Variants in EYS observed in about 807,000 individuals in gnomAD.
EYS encodes the protein protein eyes shut homolog.
EYS carries 250 observed loss-of-function variants against 282.1 expected under a neutral mutation model. The ratio of observed to expected loss-of-function variants is 0.89; its 90% CI spans 0.80 to 0.98. The LOEUF (loss-of-function observed/expected upper bound fraction) is 0.98. Ranked by LOEUF, EYS falls within the 50% of genes least tolerant of loss-of-function variation. The probability of loss-of-function intolerance (pLI) is 0.00; values close to 1 mark genes in which losing one functional copy is unlikely to be tolerated. For synonymous variants in EYS, 1,355 were observed against 1,282.9 expected (o/e 1.06, Z -1.20); for missense variants, 4,016 against 3,709.0 (o/e 1.08, Z -2.15).
At chr6:64,391,936 C>A (rs1260914202) in intron 28 of EYS, among the ~76,000 whole-genome samples, 3 of 151,742 alleles carry the variant, frequency 2.0e-5, no homozygotes, top group Non-Finnish European at 2.9e-5. Flanking sequence ...GGAAGATCTA[C>A]CAAGCAAATG....
At position 65,527,557 on chromosome 6, in the gene EYS, C is replaced by A. The variant is rs572265344; in HGVS notation, c.-332-31564G>T. 4.8e-4 allele frequency among the ~76,000 whole-genome samples: 73 copies of A among 152,240 alleles called. 1 individual carries two copies. The highest frequency in any genetic ancestry group is 1.2e-3 in the Admixed American group (19 of 15,296). ...CACCCCAGTGTTAGCACAGAAAAGTCATAAATGTCATGGTGGCACAAAAGG... is the reference window on the plus strand; with the variant it reads ...CACCCCAGTGTTAGCACAGAAAAGTAATAAATGTCATGGTGGCACAAAAGG... On this transcript the variant is annotated intron_variant, in intron 2 of 42. Coordinates refer to ENST00000503581, the MANE Select transcript of EYS (RefSeq NM_001142800.2).
chr6:64,447,900 G>C (rs1452369240), intron 26 of EYS, among the ~76,000 whole-genome samples: 3 of 152,164 alleles, frequency 2.0e-5, no homozygotes, highest in Admixed American at 2.0e-4. Flanking sequence ...AGATTGATTA[G>C]GGAAAAAATT....
intron 12 of EYS, among the ~76,000 whole-genome samples, chr6:65,251,737 G>C (rs991982267): frequency 2.0e-5 from 3 of 151,922 alleles, no homozygotes; most frequent in Non-Finnish European, 4.4e-5. Flanking sequence ...TGAACGCAAC[G>C]CTTCAGAACT....
At chr6:65,142,118 T>C (rs1056251684) in intron 12 of EYS, among the ~76,000 whole-genome samples, 1 of 152,020 alleles carries the variant, frequency 6.6e-6, no homozygotes, top group African/African-American at 2.4e-5. Flanking sequence ...TCTAAGATGA[T>C]GGGTAAGTTA....
At chr6:65,059,369 A>G (rs1421018237) in intron 12 of EYS, among the ~76,000 whole-genome samples, 2 of 152,102 alleles carry the variant, frequency 1.3e-5, no homozygotes, top group Non-Finnish European at 2.9e-5. Flanking sequence ...CTCATAGGTC[A>G]TATGCATTTG....
intron 22 of EYS, among the ~76,000 whole-genome samples, chr6:64,666,964 T>C (rs1450956259): frequency 6.6e-6 from 1 of 152,120 alleles, no homozygotes; most frequent in African/African-American, 2.4e-5. Context: ...TGGAGATCAA[T>C]GGGCAGACCA....
chr6:63,722,054 G>GT (rs1394004479), intron 42 of EYS, among the ~76,000 whole-genome samples: 1 of 152,124 alleles, frequency 6.6e-6, no homozygotes, highest in African/African-American at 2.4e-5. Context: ...TATTGTGGTA[G>GT]TAAGTTAAAG....
intron 12 of EYS, among the ~76,000 whole-genome samples, chr6:65,118,171 G>A (rs139070801): frequency 1.3e-5 from 2 of 152,250 alleles, no homozygotes; most frequent in East Asian, 3.9e-4. Context: ...GTGAGATCAC[G>A]TTGGCAGCAT....
At chr6:65,480,440 A>C (rs1765566725) in intron 5 of EYS, among the ~76,000 whole-genome samples, 1 of 152,152 alleles carries the variant, frequency 6.6e-6, no homozygotes, top group Non-Finnish European at 1.5e-5. Flanking sequence ...CCAGAGAAGC[A>C]ACATATTATA....
At chr6:65,134,348 A>G (rs1044450430) in intron 12 of EYS, among the ~76,000 whole-genome samples, 1 of 152,122 alleles carries the variant, frequency 6.6e-6, no homozygotes, top group Non-Finnish European at 1.5e-5. Flanking sequence ...ATCAACCTAC[A>G]TGCCTATTAA....
chr6:64,030,942 A>T (rs1413856378), intron 33 of EYS, among the ~76,000 whole-genome samples: 1 of 152,252 alleles, frequency 6.6e-6, no homozygotes, highest in Non-Finnish European at 1.5e-5. Flanking sequence ...TAGAGCGGTC[A>T]TCGGCCAAAT....
intron 5 of EYS, among the ~76,000 whole-genome samples, chr6:65,444,392 C>T (rs1768570440): frequency 6.6e-6 from 1 of 151,860 alleles, no homozygotes; most frequent in South Asian, 2.1e-4. Flanking sequence ...TTTATTCTCC[C>T]CTCCTTCACA....
At position 65,386,313 on chromosome 6, in the gene EYS, A is replaced by G. The variant is rs139612643; in HGVS notation, c.1185-1813T>C. Among the ~76,000 whole-genome samples the G allele has an allele frequency of 1.6e-4, 24 of 152,068 alleles. No homozygotes were observed. In the East Asian group the frequency reaches 4.4e-3, roughly 28 times the overall value. On this transcript the variant is annotated intron_variant, in intron 7 of 42. Coordinates refer to ENST00000503581, the MANE Select transcript of EYS (RefSeq NM_001142800.2). ...CGGAGGACTAATGTGTACTAGGCTT[A>G]ATACCTGGATGATAAAATAATCTGC...
At chr6:64,146,322 AGT>A (rs1175846890) in intron 31 of EYS, among the ~76,000 whole-genome samples, 1 of 152,216 alleles carries the variant, frequency 6.6e-6, no homozygotes. Flanking sequence ...TGTCACCAGA[AGT>A]GTGTGGGTTT....
intron 26 of EYS, among the ~76,000 whole-genome samples, chr6:64,581,916 T>C (rs796449222): frequency 7.2e-5 from 11 of 152,202 alleles, no homozygotes; most frequent in African/African-American, 2.6e-4. Flanking sequence ...GATAGAACAA[T>C]AGGATTAAGT....
At position 64,381,144 on chromosome 6, in the gene EYS, C is replaced by T. The variant is rs576600788; in HGVS notation, c.6078+7546G>A. On this transcript the variant is annotated intron_variant, in intron 29 of 42. Transcript: ENST00000503581. ...TTAAAGACTAGTGATAAAATGAACA[C>T]GCATGTTCTTTTTACTAACTTTCTT... Among the ~76,000 whole-genome samples the T allele has an allele frequency of 4.0e-5, 6 of 151,702 alleles. No homozygotes were observed. In the East Asian group the frequency reaches 9.7e-4, roughly 24 times the overall value.
intron 36 of EYS, among the ~76,000 whole-genome samples, chr6:63,828,917 G>A (rs781592910): frequency 3.3e-5 from 5 of 152,194 alleles, no homozygotes; most frequent in Non-Finnish European, 7.3e-5. Flanking sequence ...AAAACTGTGT[G>A]GAGATTCCTT....
At chr6:64,349,668 T>A (rs1044210423) in intron 29 of EYS, among the ~76,000 whole-genome samples, 4 of 151,414 alleles carry the variant, frequency 2.6e-5, no homozygotes, top group African/African-American at 4.8e-5. Context: ...GTGTTTTTAG[T>A]TTTGTTTTTC....
intron 13 of EYS, among the ~76,000 whole-genome samples, chr6:65,016,751 C>T (rs1445908103): frequency 6.6e-6 from 1 of 152,070 alleles, no homozygotes; most frequent in Non-Finnish European, 1.5e-5. Context: ...AGCAGGAAAA[C>T]AGTTCTTTAT....
Sources: allele counts gnomAD v4.1 joint callset (sites outside exome capture counted in the v4.1 genomes callset), GRCh38; gene constraint gnomAD v4.1.1; transcripts MANE v1.5; gene names NCBI Gene and HGNC (gene_info 2026-07-23, HGNC 2026-07-21).